The following GADD45B variants were observed in gnomAD, a reference collection of about 807,000 sequenced individuals.
The protein encoded by GADD45B is growth arrest and DNA damage inducible beta, also known as growth arrest and DNA damage-inducible protein GADD45 beta.
GADD45B carries 8 observed loss-of-function variants against 15.2 expected under a neutral mutation model. The ratio of observed to expected loss-of-function variants is 0.53; its 90% confidence interval spans 0.31 to 0.95. The LOEUF (loss-of-function observed/expected upper bound fraction) is 0.95. Among genes scored for constraint, GADD45B ranks in the 40% least tolerant of loss-of-function variants. The pLI is 0.05. For missense variants in GADD45B, 162 were observed against 216.6 expected, an observed-to-expected ratio of 0.75 and a Z score of 1.58; for synonymous variants, 100 against 89.8, an observed-to-expected ratio of 1.11 and a Z score of -0.64.
Position 2,477,628 on chromosome 19 carries a change from G to C in GADD45B, c.*27G>C, listed in dbSNP as rs1483801723. 2 of 1,261,846 alleles carry C rather than the reference G, an allele frequency of 1.6e-6. No homozygotes were observed. Among genetic ancestry groups the C allele is most frequent in the Non-Finnish European group, 2.3e-6 (2 of 862,456 alleles). The allele number at this position is 1,261,846 out of a possible 1,614,324, so 78.2% of individuals were successfully genotyped here. A position where few individuals can be genotyped will look rare whatever the true frequency, so the allele number is the denominator to read the frequency against. On this transcript the variant is annotated 3_prime_UTR_variant, in exon 4 of 4. Coordinates refer to ENST00000215631, the MANE Select transcript of GADD45B (RefSeq NM_015675.4). The surrounding 1 kb of genome is among the most constrained non-coding windows in gnomAD (Gnocchi z 4.2). ...GCCCTTCCCAGCAGCAGAATCTGTT[G>C]AGTTGCTGCCACAAACAAAAAATAC...
rs544016078 is a variant in GADD45B, at chr19:2,476,604, G to A, written c.120G>A (p.Val40=). The A allele has an allele frequency of 3.8e-6, 6 of 1,585,066 alleles. No homozygotes were observed. The highest frequency in any genetic ancestry group is 2.3e-5 in the South Asian group (2 of 87,898). ...GCCAGGATCGCCTCACAGTGGGGGT[G>A]TACGAGTCGGCCAAGTTGATGAATG... The part of the protein sequence containing the change: ...AQRQDRLTVG[V]YESAKLMNVD... The change falls in exon 2 of 4, where the codon GTG becomes GTA. Residue 40 remains valine, a synonymous_variant. Transcript: ENST00000215631.
chr19:2,476,742 C>A, intron 2 of GADD45B, 112 bp downstream of exon 2: 1 of 684,356 alleles, frequency 1.5e-6, no homozygotes, highest in Non-Finnish European at 2.4e-6. Context: ...CCCAAGTGCC[C>A]CCCGCTGTGG....
At position 2,477,416 on chromosome 19, in the gene GADD45B, C is replaced by T. The variant is rs1168831094; in HGVS notation, c.370-72C>T. ...CCTCACCCAGGAAGCTATTTTGAGC[C>T]TGACTGTTTTCCCCACACAGGGGCC... On this transcript the variant is annotated intron_variant, in intron 3 of 3. Coordinates refer to ENST00000215631, the MANE Select transcript of GADD45B (RefSeq NM_015675.4). This position sits in a 1 kb window ranked among gnomAD's most constrained non-coding sequence, Gnocchi z 4.2. The T allele has an allele frequency of 8.7e-7, 1 of 1,154,202 alleles. No individual in the cohort carries two copies. The highest frequency in any genetic ancestry group is 1.5e-5 in the African/African-American group (1 of 65,362). The allele number at this position is 1,154,202 out of a possible 1,614,324, so 71.5% of individuals were successfully genotyped here.
In GADD45B at chr19:2,477,468, CCTT is replaced by C. The variant is rs745518049; in HGVS notation, c.370-16_370-14del. On this transcript the variant is annotated splice_polypyrimidine_tract_variant and intron_variant, in intron 3 of 3. Transcript: ENST00000215631. This position sits in a 1 kb window ranked among gnomAD's most constrained non-coding sequence, Gnocchi z 4.2. ...CGGGAGAGGGAGGCTCCACTAAACC[CCTT>C]CTTTTCCCTCCTACAGAACCCTCAC... 7.1e-6 allele frequency: 11 copies of C among 1,540,536 alleles called. No homozygotes were observed. The highest frequency in any genetic ancestry group is 1.8e-6 in the Non-Finnish European group (2 of 1,114,574).
rs1185131684 is a variant in GADD45B, at chr19:2,477,458, C to T, written c.370-30C>T. The T allele has an allele frequency of 6.9e-7, 1 of 1,449,502 alleles. No individual in the cohort carries two copies. The allele number at this position is 1,449,502 out of a possible 1,614,324, so 89.8% of individuals were successfully genotyped here. On this transcript the variant is annotated intron_variant, in intron 3 of 3. Transcript: ENST00000215631. The surrounding 1 kb of genome is among the most constrained non-coding windows in gnomAD (Gnocchi z 4.2). Reference sequence around the variant, plus strand: ...ACAGGGGCCCCGGGAGAGGGAGGCTCCACTAAACCCCTTCTTTTCCCTCCT... The same window carrying T: ...ACAGGGGCCCCGGGAGAGGGAGGCTTCACTAAACCCCTTCTTTTCCCTCCT...
chr19:2,476,412 C>A lies in GADD45B; in HGVS notation c.44+10C>A, dbSNP rs747471704. ...ACAACGCGGCGCAGAAGTAAGTAGC[C>A]GGGGCTGCCGCCGCCTGAGGTCAGC... On this transcript the variant is annotated intron_variant, in intron 1 of 3. Coordinates refer to ENST00000215631, the MANE Select transcript of GADD45B (RefSeq NM_015675.4). 6.2e-7 allele frequency: 1 copy of A among 1,609,780 alleles called. No individual in the cohort carries two copies. The highest frequency in any genetic ancestry group is 8.5e-7 in the Non-Finnish European group (1 of 1,177,268).
chr19:2,476,701 G>T, intron 2 of GADD45B, 71 bp downstream of exon 2: 1 of 915,154 alleles, frequency 1.1e-6, no homozygotes, highest in Non-Finnish European at 1.7e-6. Flanking sequence ...GACGCTTTCC[G>T]CACGCTTGTC....
At position 2,478,244 on chromosome 19, in the gene GADD45B, A is replaced by G; in HGVS notation, c.*643A>G. 1 of 152,090 alleles carries G rather than the reference A, an allele frequency of 6.6e-6. No individual in the cohort carries two copies. Among genetic ancestry groups the G allele is most frequent in the East Asian group, 1.9e-4 (1 of 5,202 alleles). The allele number at this position is 152,090 out of a possible 1,614,324, so 9.4% of individuals were successfully genotyped here. ...TTCTACTATGAGGGCCTTGTAATAA[A>G]TTTCTAAAGCCTCTGGTTGCTTGTA... On this transcript the variant is annotated 3_prime_UTR_variant, in exon 4 of 4. Coordinates refer to ENST00000215631, the MANE Select transcript of GADD45B (RefSeq NM_015675.4).
At chr19:2,476,698 TCCG>T in intron 2 of GADD45B, 68 bp downstream of exon 2, 1 of 930,682 alleles carries the variant, frequency 1.1e-6, no homozygotes, top group Non-Finnish European at 1.6e-6. Flanking sequence ...CTGGACGCTT[TCCG>T]CACGCTTGTC....
Position 2,477,027 on chromosome 19 carries a change from A to T in GADD45B, c.147-2A>T. 1 of 1,607,952 alleles carries T rather than the reference A, an allele frequency of 6.2e-7. No individual in the cohort carries two copies. Among genetic ancestry groups the T allele is most frequent in the Non-Finnish European group, 8.5e-7 (1 of 1,175,092 alleles). ...CCCATCCCTACCCTTTGGCCCCCTC[A>T]GGGACCCAGACAGCGTGGTCCTCTG... On this transcript the variant is annotated splice_acceptor_variant, in intron 2 of 3. Coordinates refer to ENST00000215631, the MANE Select transcript of GADD45B (RefSeq NM_015675.4). LOFTEE classifies it high-confidence loss of function. The surrounding 1 kb of genome is among the most constrained non-coding windows in gnomAD (Gnocchi z 4.2).
chr19:2,476,281 G>C lies in GADD45B; in HGVS notation c.-78G>C. The C allele has an allele frequency of 1.4e-6, 2 of 1,398,744 alleles. No individual in the cohort carries two copies. Among genetic ancestry groups the C allele is most frequent in the Non-Finnish European group, 2.0e-6 (2 of 984,694 alleles). 86.6% of individuals were successfully genotyped at this position (1,398,744 alleles called of 1,614,324 possible). The stretch of plus-strand genomic sequence containing the variant: ...GCTCTAGCTCTGTGGGAAGGTTTTG[G>C]GCTCTCTGGCTCGGATTTTGCAATT... On this transcript the variant is annotated 5_prime_UTR_variant, in exon 1 of 4. Transcript: ENST00000215631.
chr19:2,476,842 C>T (rs1645697254), intron 2 of GADD45B, 187 bp from the exon 3 acceptor site: 3 of 609,958 alleles, frequency 4.9e-6, no homozygotes, highest in Admixed American at 2.9e-5. Flanking sequence ...GGGCCTGTCT[C>T]CCCCTACCCC....
Position 2,477,328 on chromosome 19 carries a change from G to A in GADD45B, c.369+77G>A. The A allele has an allele frequency of 9.0e-7, 1 of 1,109,584 alleles. No homozygotes were observed. Among genetic ancestry groups the A allele is most frequent in the Non-Finnish European group, 1.3e-6 (1 of 777,972 alleles). The allele number at this position is 1,109,584 out of a possible 1,614,324, so 68.7% of individuals were successfully genotyped here. A position where few individuals can be genotyped will look rare whatever the true frequency, so the allele number is the denominator to read the frequency against. ...TTTGTCAACAAAGTCGGGCTGACTG[G>A]TCCTGCACAGCTCAGCGCTCAGCCA... On this transcript the variant is annotated intron_variant, in intron 3 of 3. Transcript: ENST00000215631. This position sits in a 1 kb window ranked among gnomAD's most constrained non-coding sequence, Gnocchi z 4.2.
chr19:2,476,611 T>G lies in GADD45B; in HGVS notation c.127T>G (p.Ser43Ala). ...QDRLTVGVYE[S>A]AKLMNVDPDS... ...TCGCCTCACAGTGGGGGTGTACGAG[T>G]CGGCCAAGTTGATGAATGTGTGAGT... Residue 43 changes from serine to alanine, a missense_variant, in exon 2 of 4, where the codon TCG (serine) becomes GCG (alanine). By Grantham distance (99) the Ser-to-Ala change is moderately conservative. Coordinates refer to ENST00000215631, the MANE Select transcript of GADD45B (RefSeq NM_015675.4). 1 of 1,576,686 alleles carries G rather than the reference T, an allele frequency of 6.3e-7. No homozygotes were observed. The highest frequency in any genetic ancestry group is 8.6e-7 in the Non-Finnish European group (1 of 1,157,490).
chr19:2,477,080 GGAT>G lies in GADD45B; in HGVS notation c.201_203del (p.Asp68del), dbSNP rs753163868. On this transcript the variant is annotated inframe_deletion, in exon 3 of 4. Coordinates refer to ENST00000215631, the MANE Select transcript of GADD45B (RefSeq NM_015675.4). This position sits in a 1 kb window ranked among gnomAD's most constrained non-coding sequence, Gnocchi z 4.2. ...TCTTGGCCATTGACGAGGAGGAGGA[GGAT>G]GACATCGCCCTGCAAATCCACTTCA... 2.0e-5 allele frequency: 32 copies of G among 1,613,712 alleles called. No homozygotes were observed. Among genetic ancestry groups the G allele is most frequent in the Non-Finnish European group, 2.7e-5 (32 of 1,179,816 alleles).
rs373430316 is a variant in GADD45B at position 2,476,568 on chromosome 19, G to A, written c.84G>A (p.Val28=). The A allele has an allele frequency of 6.2e-7, 1 of 1,604,610 alleles. No individual in the cohort carries two copies. Among genetic ancestry groups the A allele is most frequent in the Admixed American group, 1.7e-5 (1 of 59,352 alleles). ...TVTAAVEELL[V]AAQRQDRLTV... ...CCGCCGCGGTGGAGGAGCTTTTGGT[G>A]GCCGCTCAGCGCCAGGATCGCCTCA... The change falls in exon 2 of 4, where the codon GTG becomes GTA. Residue 28 remains valine (V), a synonymous_variant. Transcript: ENST00000215631.
chr19:2,476,251 C>T lies in GADD45B; in HGVS notation c.-108C>T. ...TTCGCTGCTTCCCGAAGGTCTTGGA[C>T]GAGCGCTCTAGCTCTGTGGGAAGGT... is the stretch of plus-strand genomic sequence containing the variant. On this transcript the variant is annotated 5_prime_UTR_variant, in exon 1 of 4. In the 5' UTR this introduces an upstream ATG that the reference lacks. Transcript: ENST00000215631. 1 of 1,034,368 alleles carries T rather than the reference C, an allele frequency of 9.7e-7. No individual in the cohort carries two copies. 64.1% of individuals were successfully genotyped at this position (1,034,368 alleles called of 1,614,324 possible).
rs1972332690 is a variant in GADD45B at position 2,477,401 on chromosome 19, G to A, written c.370-87G>A. ...GCCGGGCTGGGGCCTCCTCACCCAG[G>A]AAGCTATTTTGAGCCTGACTGTTTT... On this transcript the variant is annotated intron_variant, in intron 3 of 3. Transcript: ENST00000215631. The surrounding 1 kb of genome is among the most constrained non-coding windows in gnomAD (Gnocchi z 4.2). 4 of 1,062,568 alleles carry A rather than the reference G, an allele frequency of 3.8e-6. No individual in the cohort carries two copies. The highest frequency in any genetic ancestry group is 3.2e-5 in the African/African-American group (2 of 63,438). 65.8% of individuals were successfully genotyped at this position (1,062,568 alleles called of 1,614,324 possible).
rs561497637 is a variant in GADD45B, at chr19:2,477,456, C to G, written c.370-32C>G. The G allele has an allele frequency of 7.0e-7, 1 of 1,427,830 alleles. No homozygotes were observed. Among genetic ancestry groups the G allele is most frequent in the South Asian group, 1.2e-5 (1 of 86,396 alleles). 88.4% of individuals were successfully genotyped at this position (1,427,830 alleles called of 1,614,324 possible). On this transcript the variant is annotated intron_variant, in intron 3 of 3. Transcript: ENST00000215631. This position sits in a 1 kb window ranked among gnomAD's most constrained non-coding sequence, Gnocchi z 4.2. ...ACACAGGGGCCCCGGGAGAGGGAGG[C>G]TCCACTAAACCCCTTCTTTTCCCTC...
Sources: allele counts gnomAD v4.1 joint callset, GRCh38; gene constraint gnomAD v4.1.1; non-coding constraint Gnocchi (gnomAD v3.1); transcripts MANE v1.5; gene names NCBI Gene and HGNC (gene_info 2026-07-23, HGNC 2026-07-21).